WDR25: variants seen among roughly 807,000 people sequenced by gnomAD.
The protein encoded by WDR25 is WD repeat-containing protein 25.
Under a neutral mutation model 47.7 loss-of-function variants are expected in WDR25, and 35 were observed. The observed-to-expected ratio is 0.73, with a 90% CI of 0.56 to 0.97. The LOEUF (loss-of-function observed/expected upper bound fraction) is 0.97, where lower values mean the gene tolerates loss of function less well. Ranked by LOEUF, WDR25 falls within the 50% of genes least tolerant of loss-of-function variation. The probability of loss-of-function intolerance (pLI) is 0.00; values close to 1 mark genes in which losing one functional copy is unlikely to be tolerated. For missense variants in WDR25, 634 were observed against 704.7 expected, an observed-to-expected ratio of 0.90 and a Z score of 1.14; for synonymous variants, 248 against 278.9, an observed-to-expected ratio of 0.89 and a Z score of 1.10.
chr14:100,427,788 C>A (rs1341759258), intron 2 of WDR25, among the ~76,000 whole-genome samples: 1 of 152,226 alleles, frequency 6.6e-6, no homozygotes, highest in Non-Finnish European at 1.5e-5. Context: ...TTTGCCACCA[C>A]CCCACCCATT....
chr14:100,434,062 C>CAAAA (rs140976497), intron 2 of WDR25, among the ~76,000 whole-genome samples: 2 of 132,798 alleles, frequency 1.5e-5, no homozygotes, highest in African/African-American at 5.4e-5. Context: ...GCCGTTTCTA[C>CAAAA]AAAAAAAAAA....
intron 3 of WDR25, chr14:100,480,922 C>A: frequency 2.8e-6 from 1 of 356,642 alleles, no homozygotes. Context: ...TCTGCAGGCA[C>A]CTGGCATGCA....
chr14:100,484,603 G>A (rs1900320762), intron 4 of WDR25, among the ~76,000 whole-genome samples: 1 of 152,008 alleles, frequency 6.6e-6, no homozygotes, highest in African/African-American at 2.4e-5. Flanking sequence ...CTTAAAGGCT[G>A]GTTGTGATTT....
intron 2 of WDR25, among the ~76,000 whole-genome samples, chr14:100,415,577 T>C (rs1235352329): frequency 1.3e-5 from 2 of 152,164 alleles, no homozygotes; most frequent in Non-Finnish European, 2.9e-5. Context: ...ACAAAGACAA[T>C]GTCTCCCTTA....
intron 2 of WDR25, among the ~76,000 whole-genome samples, chr14:100,466,919 T>G (rs1334221703): frequency 2.0e-5 from 3 of 152,144 alleles, no homozygotes; most frequent in African/African-American, 7.2e-5. Flanking sequence ...CTGCACGGTG[T>G]GTTTGGCGGC....
At chr14:100,504,887 G>A (rs1483618224) in intron 4 of WDR25, among the ~76,000 whole-genome samples, 2 of 152,088 alleles carry the variant, frequency 1.3e-5, no homozygotes, top group Non-Finnish European at 2.9e-5. Context: ...ACCAACACTT[G>A]GTGTTGTCAG....
intron 4 of WDR25, among the ~76,000 whole-genome samples, chr14:100,513,468 A>C (rs1021979268): frequency 6.6e-6 from 1 of 152,170 alleles, no homozygotes; most frequent in Non-Finnish European, 1.5e-5. Flanking sequence ...GTAAATATCT[A>C]TTATTTATAA....
chr14:100,399,032 CT>C (rs1897319072), intron 2 of WDR25, among the ~76,000 whole-genome samples: 1 of 151,830 alleles, frequency 6.6e-6, no homozygotes, highest in South Asian at 2.1e-4. Context: ...CCATTAGTGA[CT>C]TGTCCTTAAT....
rs987808604 is a variant in WDR25 at position 100,404,151 on chromosome 14, G to A, written c.822+22405G>A. 2.6e-5 allele frequency among the ~76,000 whole-genome samples: 4 copies of A among 151,522 alleles called. No homozygotes were observed. The highest frequency in any genetic ancestry group is 7.3e-5 in the African/African-American group (3 of 41,246). ...TCCAGCCCAGTGCTGGGCCCCATAC[G>A]CACATGATTGGTCCCCCTGAAACCT... On this transcript the variant is annotated intron_variant, in intron 2 of 6. Transcript: ENST00000402312. The surrounding 1 kb of genome is among the most constrained non-coding windows in gnomAD (Gnocchi z 4.6).
intron 1 of WDR25, among the ~76,000 whole-genome samples, chr14:100,378,620 G>C (rs1896789783): frequency 6.6e-6 from 1 of 152,116 alleles, no homozygotes; most frequent in African/African-American, 2.4e-5. Context: ...CTGTGGGCCT[G>C]TCTGTCCAGC....
chr14:100,436,892 C>G (rs763038438), intron 2 of WDR25, among the ~76,000 whole-genome samples: 3 of 152,228 alleles, frequency 2.0e-5, no homozygotes, highest in Non-Finnish European at 2.9e-5. Flanking sequence ...TAGGTTGGCC[C>G]TGCTTTCAGT....
In WDR25 at chr14:100,525,505, A is replaced by G. The variant is rs2030077018; in HGVS notation, c.1102-365A>G. Among the ~76,000 whole-genome samples, 1 of 152,144 alleles carries G rather than the reference A, an allele frequency of 6.6e-6. No individual in the cohort carries two copies. Among genetic ancestry groups the G allele is most frequent in the Non-Finnish European group, 1.5e-5 (1 of 68,022 alleles). The stretch of plus-strand genomic sequence containing the variant: ...TGTGACGTCTTCAGAAGCAGGACCC[A>G]CTCAAAGCATGACCCCAGTGTTGAT... On this transcript the variant is annotated intron_variant, in intron 4 of 6. Coordinates refer to ENST00000402312, the MANE Select transcript of WDR25 (RefSeq NM_001161476.3). This position sits in a 1 kb window ranked among gnomAD's most constrained non-coding sequence, Gnocchi z 4.6.
At chr14:100,394,784 G>A (rs1019297253) in intron 2 of WDR25, among the ~76,000 whole-genome samples, 31 of 152,268 alleles carry the variant, frequency 2.0e-4, no homozygotes, top group Admixed American at 1.9e-3. Flanking sequence ...CCAGGATTTC[G>A]GGGCCAGCCT....
intron 4 of WDR25, among the ~76,000 whole-genome samples, chr14:100,512,126 G>A (rs1364675079): frequency 1.3e-5 from 2 of 151,954 alleles, no homozygotes; most frequent in Non-Finnish European, 2.9e-5. Context: ...GAACAAATTG[G>A]GAAATGTTCA....
chr14:100,436,600 A>G (rs775664922), intron 2 of WDR25, among the ~76,000 whole-genome samples: 1 of 152,132 alleles, frequency 6.6e-6, no homozygotes, highest in Non-Finnish European at 1.5e-5. Context: ...GTTTCCCTTT[A>G]GGCCGGCCAG....
chr14:100,430,026 A>T lies in WDR25; in HGVS notation c.823-37995A>T, dbSNP rs1268741881. On this transcript the variant is annotated intron_variant, in intron 2 of 6. Transcript: ENST00000402312. The surrounding 1 kb of genome is among the most constrained non-coding windows in gnomAD (Gnocchi z 4.7). ...AAGACACATCCATGACACCCCTAGT[A>T]TGCTGCCTGACACATGGCAAGTGCT... Among the ~76,000 whole-genome samples the T allele has an allele frequency of 1.3e-5, 2 of 152,154 alleles. No individual in the cohort carries two copies. Among genetic ancestry groups the T allele is most frequent in the Non-Finnish European group, 2.9e-5 (2 of 68,030 alleles).
At chr14:100,414,560 G>A (rs535855897) in intron 2 of WDR25, among the ~76,000 whole-genome samples, 3 of 151,932 alleles carry the variant, frequency 2.0e-5, no homozygotes, top group East Asian at 3.9e-4. Flanking sequence ...TAATCTGCCC[G>A]CCTTGGCCTC....
chr14:100,505,166 C>A (rs537646694), intron 4 of WDR25, among the ~76,000 whole-genome samples: 2 of 152,218 alleles, frequency 1.3e-5, no homozygotes, highest in South Asian at 4.1e-4. Flanking sequence ...CCTAATGTTG[C>A]AAAGATTTTC....
intron 2 of WDR25, among the ~76,000 whole-genome samples, chr14:100,436,907 G>A (rs1274968762): frequency 1.3e-5 from 2 of 152,240 alleles, no homozygotes; most frequent in African/African-American, 4.8e-5. Context: ...TTCAGTTGCT[G>A]TCCTTGTGCC....
Sources: allele counts gnomAD v4.1 joint callset (sites outside exome capture counted in the v4.1 genomes callset), GRCh38; gene constraint gnomAD v4.1.1; non-coding constraint Gnocchi (gnomAD v3.1); transcripts MANE v1.5; gene names NCBI Gene and HGNC (gene_info 2026-07-23, HGNC 2026-07-21).